Variants in MAML2 observed in about 807,000 individuals in gnomAD.
MAML2 encodes mastermind like transcriptional coactivator 2, also known as mastermind-like protein 2.
Under a neutral mutation model 96.1 loss-of-function variants are expected in MAML2, and 22 were observed. The observed-to-expected ratio is 0.23, with a 90% CI of 0.16 to 0.33. The LOEUF (loss-of-function observed/expected upper bound fraction) is 0.33. Among genes scored for constraint, MAML2 ranks in the 10% least tolerant of loss-of-function variants. The pLI is 1.00. For synonymous variants in MAML2, 561 were observed against 521.3 expected (o/e 1.08, Z -1.04); for missense variants, 1,367 against 1,392.4 (o/e 0.98, Z 0.29).
chr11:96,241,883 G>C (rs1343857846), intron 1 of MAML2, among the ~76,000 whole-genome samples: 3 of 152,048 alleles, frequency 2.0e-5, no homozygotes, highest in Non-Finnish European at 2.9e-5. Flanking sequence ...AGTTTGTTTG[G>C]TCTATTTTTG....
chr11:96,151,827 A>G (rs1417937848), intron 1 of MAML2, among the ~76,000 whole-genome samples: 2 of 152,208 alleles, frequency 1.3e-5, no homozygotes, highest in Non-Finnish European at 2.9e-5. Context: ...TAAATTACTC[A>G]GTCTCAGGTA....
At chr11:96,142,320 G>A (rs1565227241) in intron 1 of MAML2, among the ~76,000 whole-genome samples, 1 of 152,174 alleles carries the variant, frequency 6.6e-6, no homozygotes, top group Non-Finnish European at 1.5e-5. Flanking sequence ...ATCTGAAGGG[G>A]CTAGAGTTCC....
chr11:96,249,158 C>T (rs1455746594), intron 1 of MAML2, among the ~76,000 whole-genome samples: 1 of 152,152 alleles, frequency 6.6e-6, no homozygotes, highest in Non-Finnish European at 1.5e-5. Flanking sequence ...ATAAACTCTT[C>T]CTCCTTCTTA....
At chr11:96,114,023 A>G (rs1860181651) in intron 1 of MAML2, among the ~76,000 whole-genome samples, 1 of 27,258 alleles carries the variant, frequency 3.7e-5, no homozygotes, top group South Asian at 2.1e-3. Flanking sequence ...GAGAATTTGA[A>G]GAAAAAAAAA....
intron 1 of MAML2, among the ~76,000 whole-genome samples, chr11:96,130,447 AG>A (rs1242292301): frequency 6.6e-6 from 1 of 152,230 alleles, no homozygotes; most frequent in Non-Finnish European, 1.5e-5. Flanking sequence ...ATAAGTAAGA[AG>A]ATTCCAAAAT....
At chr11:96,309,685 C>A (rs1007713168) in intron 1 of MAML2, among the ~76,000 whole-genome samples, 3 of 145,828 alleles carry the variant, frequency 2.1e-5, no homozygotes, top group East Asian at 4.0e-4. Context: ...ATTCCACCTC[C>A]CAAAGGAACA....
At chr11:96,076,775 G>A (rs1468108147) in intron 2 of MAML2, among the ~76,000 whole-genome samples, 2 of 152,210 alleles carry the variant, frequency 1.3e-5, no homozygotes, top group Non-Finnish European at 2.9e-5. Flanking sequence ...TGAGATCTAT[G>A]TGAATCTTCA....
At chr11:96,001,465 T>C (rs1340834690) in intron 2 of MAML2, among the ~76,000 whole-genome samples, 1 of 152,208 alleles carries the variant, frequency 6.6e-6, no homozygotes, top group Non-Finnish European at 1.5e-5. Context: ...GTTTCAAACA[T>C]TGATTTGGAT....
chr11:96,002,664 G>A lies in MAML2; in HGVS notation c.2140-10941C>T, dbSNP rs1437643045. Among the ~76,000 whole-genome samples the A allele has an allele frequency of 1.8e-3, 3 of 1,652 alleles. No homozygotes were observed. The Admixed American group carries it at 0.023, about 13-fold the overall frequency. 1.1% of individuals were successfully genotyped at this position (1,652 alleles called of 152,430 possible). On this transcript the variant is annotated intron_variant, in intron 2 of 4. Coordinates refer to ENST00000524717, the MANE Select transcript of MAML2 (RefSeq NM_032427.4). ...GGATGATGAGGATGATGATGGGGAT[G>A]ATGAAGAATAATGATGGGGATGGTG... is the stretch of plus-strand genomic sequence containing the variant.
chr11:95,983,955 GTGTACAGTGA>G (rs1341929289), intron 4 of MAML2, among the ~76,000 whole-genome samples: 1 of 152,158 alleles, frequency 6.6e-6, no homozygotes, highest in Non-Finnish European at 1.5e-5. Context: ...GTCCACAGTA[GTGTACAGTGA>G]TGTCCTAGGC....
chr11:96,118,763 A>T (rs890772215), intron 1 of MAML2, among the ~76,000 whole-genome samples: 3 of 152,198 alleles, frequency 2.0e-5, no homozygotes, highest in Admixed American at 1.3e-4. Context: ...TGATGCAAAA[A>T]AATCTCCTGC....
At chr11:96,299,354 C>A (rs1225594375) in intron 1 of MAML2, among the ~76,000 whole-genome samples, 1 of 151,238 alleles carries the variant, frequency 6.6e-6, no homozygotes, top group Non-Finnish European at 1.5e-5. Flanking sequence ...ATACAGTTGG[C>A]AAGCAGAAGG....
intron 2 of MAML2, among the ~76,000 whole-genome samples, chr11:96,047,385 A>ATTTTT (rs1427858283): frequency 6.6e-6 from 1 of 152,188 alleles, no homozygotes; most frequent in Non-Finnish European, 1.5e-5. Context: ...CCTTGGGCAA[A>ATTTTT]TTACTGAATT....
At chr11:96,233,612 C>T (rs1316697891) in intron 1 of MAML2, among the ~76,000 whole-genome samples, 2 of 152,090 alleles carry the variant, frequency 1.3e-5, no homozygotes, top group East Asian at 3.9e-4. Flanking sequence ...TCTTGCTGTG[C>T]TGCCCAGGCT....
At chr11:96,335,669 AG>A (rs1863912136) in intron 1 of MAML2, among the ~76,000 whole-genome samples, 1 of 152,198 alleles carries the variant, frequency 6.6e-6, no homozygotes, top group African/African-American at 2.4e-5. Context: ...CTTGTCTTCA[AG>A]TATATGAAGG....
intron 1 of MAML2, among the ~76,000 whole-genome samples, chr11:96,196,904 G>A (rs1178708097): frequency 1.0e-3 from 135 of 135,324 alleles, no homozygotes; most frequent in African/African-American, 3.5e-3. Context: ...TTCAATAGGA[G>A]CCAGTACATC....
At chr11:96,185,056 C>T (rs1471418900) in intron 1 of MAML2, among the ~76,000 whole-genome samples, 1 of 152,128 alleles carries the variant, frequency 6.6e-6, no homozygotes, top group East Asian at 1.9e-4. Flanking sequence ...ATCCAATTGG[C>T]ACCCAAAATC....
At chr11:96,339,220 A>G (rs573382879) in intron 1 of MAML2, among the ~76,000 whole-genome samples, 1 of 152,220 alleles carries the variant, frequency 6.6e-6, no homozygotes, top group Non-Finnish European at 1.5e-5. Flanking sequence ...GAAGAGAGAA[A>G]GATTCCCTCT....
rs189113924 is a variant in MAML2 at position 95,998,243 on chromosome 11, A to T, written c.2140-6520T>A. On this transcript the variant is annotated intron_variant, in intron 2 of 4. Transcript: ENST00000524717. ...CTCCTTACCTGTCCATTCTAGTCCA[A>T]ATCTCCAAAGTGCACTTTCTTCTAC... Among the ~76,000 whole-genome samples the T allele has an allele frequency of 3.0e-3, 450 of 151,644 alleles. 2 individuals are homozygous for T. Among genetic ancestry groups the T allele is most frequent in the Non-Finnish European group, 4.7e-3 (322 of 67,904 alleles).
Sources: gnomAD v4.1 joint callset for allele counts (sites outside exome capture counted in the v4.1 genomes callset) on GRCh38, gnomAD v4.1.1 for gene constraint, MANE v1.5 for transcripts, NCBI Gene and HGNC (gene_info 2026-07-23, HGNC 2026-07-21) for gene names.